PTPRD: variants seen among roughly 807,000 people sequenced by gnomAD.
PTPRD encodes protein tyrosine phosphatase receptor type D.
A neutral mutation model predicts 214.5 loss-of-function variants in PTPRD; 34 were observed. The ratio of observed to expected loss-of-function variants is 0.16; its 90% confidence interval spans 0.12 to 0.21. The LOEUF (loss-of-function observed/expected upper bound fraction) is 0.21. PTPRD is among the 10% of genes least tolerant of loss of function. The pLI, the probability that PTPRD is intolerant of heterozygous loss-of-function variation, is 1.00. For missense variants in PTPRD, 2,545 were observed against 2,398.7 expected (o/e 1.06, Z -1.27); for synonymous variants, 1,128 against 845.7 (o/e 1.33, Z -5.79).
At chr9:10,346,581 T>C (rs2097087861) in intron 2 of PTPRD, among the ~76,000 whole-genome samples, 5 of 152,364 alleles carry the variant, frequency 3.3e-5, no homozygotes, top group Middle Eastern at 3.4e-3. Flanking sequence ...TAAAGTATGT[T>C]TGCATAGGTA....
chr9:8,793,679 T>C (rs2096308741), intron 11 of PTPRD, among the ~76,000 whole-genome samples: 1 of 152,154 alleles, frequency 6.6e-6, no homozygotes, highest in Non-Finnish European at 1.5e-5. Flanking sequence ...CAAATAACCA[T>C]AATATTCTGT....
chr9:8,355,653 G>A lies in PTPRD; in HGVS notation c.4662-13675C>T, dbSNP rs566373370. Among the ~76,000 whole-genome samples, 14 of 152,240 alleles carry A rather than the reference G, an allele frequency of 9.2e-5. No homozygotes were observed. In the South Asian group the frequency reaches 2.5e-3, roughly 27 times the overall value. ...TAATTCAACTCAATGGATGCAAAAT[G>A]GGAGATTCCTCTTCTATGTATCAAT... On this transcript the variant is annotated intron_variant, in intron 39 of 45. Transcript: ENST00000381196.
chr9:10,103,628 A>AATC (rs1243491235), intron 3 of PTPRD, among the ~76,000 whole-genome samples: 1 of 151,222 alleles, frequency 6.6e-6, no homozygotes, highest in Non-Finnish European at 1.5e-5. Context: ...ACTCAGTGTG[A>AATC]AGGTCTGAGG....
intron 6 of PTPRD, among the ~76,000 whole-genome samples, chr9:9,755,546 T>G (rs957476237): frequency 4.6e-5 from 7 of 152,092 alleles, no homozygotes; most frequent in African/African-American, 1.7e-4. Flanking sequence ...TTCTAAAGGT[T>G]TGTGCTTCCA....
intron 3 of PTPRD, among the ~76,000 whole-genome samples, chr9:10,336,059 G>C (rs1470394515): frequency 6.6e-6 from 1 of 151,692 alleles, no homozygotes; most frequent in Non-Finnish European, 1.5e-5. Flanking sequence ...ACAGATTTTT[G>C]CCACCTAATC....
chr9:8,371,873 G>C (rs1012420454), intron 39 of PTPRD, among the ~76,000 whole-genome samples: 2 of 152,052 alleles, frequency 1.3e-5, no homozygotes, highest in African/African-American at 4.8e-5. Flanking sequence ...TATTTGGAAT[G>C]TGTAGCTATC....
At chr9:9,201,648 T>G (rs1014259649) in intron 9 of PTPRD, among the ~76,000 whole-genome samples, 14 of 152,186 alleles carry the variant, frequency 9.2e-5, no homozygotes, top group Non-Finnish European at 1.8e-4. Flanking sequence ...AATATCTTAC[T>G]GATAAAAATA....
At chr9:8,332,204 G>C (rs16924674) in intron 43 of PTPRD, among the ~76,000 whole-genome samples, 4,380 of 152,172 alleles carry the variant, frequency 0.029, 216 homozygotes, top group African/African-American at 0.099. Flanking sequence ...ATCCAGACCA[G>C]AGCTTTTGCA....
chr9:9,483,554 A>C (rs2095504186), intron 8 of PTPRD, among the ~76,000 whole-genome samples: 1 of 152,132 alleles, frequency 6.6e-6, no homozygotes, highest in South Asian at 2.1e-4. Flanking sequence ...AATTAGGCAA[A>C]GGAAGCAACT....
At chr9:10,031,115 G>A (rs1394830170) in intron 4 of PTPRD, among the ~76,000 whole-genome samples, 2 of 152,156 alleles carry the variant, frequency 1.3e-5, no homozygotes, top group Non-Finnish European at 2.9e-5. Context: ...GCGCCAGGTA[G>A]TAATTTTCTT....
At chr9:9,169,667 G>C (rs765814901) in intron 10 of PTPRD, among the ~76,000 whole-genome samples, 4 of 152,050 alleles carry the variant, frequency 2.6e-5, no homozygotes, top group Admixed American at 2.6e-4. Context: ...AGATTCTTCT[G>C]TATTTTGCTT....
rs140752225 is a variant in PTPRD, at chr9:8,448,536, C to T, written c.3988+1189G>A. On this transcript the variant is annotated intron_variant, in intron 34 of 45. Transcript: ENST00000381196. The stretch of plus-strand genomic sequence containing the variant: ...CTACGACCTATCCTGGAAGATGACA[C>T]AAGTTTGTTCAATCATCATGTACAC... Among the ~76,000 whole-genome samples, 228 of 152,218 alleles carry T rather than the reference C, an allele frequency of 1.5e-3. 1 individual carries two copies. Among genetic ancestry groups the T allele is most frequent in the African/African-American group, 5.2e-3 (217 of 41,542 alleles).
chr9:10,325,661 A>G (rs560652954), intron 3 of PTPRD, among the ~76,000 whole-genome samples: 1 of 152,084 alleles, frequency 6.6e-6, no homozygotes, highest in African/African-American at 2.4e-5. Context: ...TTGTTTGAAC[A>G]TACCAAACAA....
intron 9 of PTPRD, among the ~76,000 whole-genome samples, chr9:9,302,566 AT>A (rs1254976117): frequency 7.2e-6 from 1 of 139,592 alleles, no homozygotes; most frequent in Admixed American, 7.0e-5. Flanking sequence ...TGTTCCACTA[AT>A]ATTGACCACA....
intron 35 of PTPRD, among the ~76,000 whole-genome samples, chr9:8,414,072 T>C (rs768908435): frequency 2.0e-5 from 3 of 152,192 alleles, no homozygotes; most frequent in Non-Finnish European, 4.4e-5. Context: ...ATAGCTAAGA[T>C]ACATTACAGG....
chr9:10,373,886 T>G (rs984340898), intron 2 of PTPRD, among the ~76,000 whole-genome samples: 4 of 152,098 alleles, frequency 2.6e-5, no homozygotes, highest in Non-Finnish European at 4.4e-5. Context: ...CATATTTTAT[T>G]CCCTATCCAC....
At chr9:8,964,213 T>G (rs1242208730) in intron 11 of PTPRD, among the ~76,000 whole-genome samples, 1 of 146,548 alleles carries the variant, frequency 6.8e-6, no homozygotes, top group East Asian at 2.0e-4. Flanking sequence ...TTTTTTTTTT[T>G]TTTTGCTGAT....
At chr9:10,147,123 A>C (rs2154273790) in intron 3 of PTPRD, among the ~76,000 whole-genome samples, 1 of 152,290 alleles carries the variant, frequency 6.6e-6, no homozygotes, top group East Asian at 1.9e-4. Context: ...AGGGATCTAG[A>C]GTATTTTATA....
intron 5 of PTPRD, among the ~76,000 whole-genome samples, chr9:9,936,448 T>G (rs917366614): frequency 2.0e-5 from 3 of 151,316 alleles, no homozygotes; most frequent in African/African-American, 4.9e-5. Context: ...AGAAGACATT[T>G]ATGCAGCCAA....
Sources: allele counts gnomAD v4.1 joint callset (sites outside exome capture counted in the v4.1 genomes callset), GRCh38; gene constraint gnomAD v4.1.1; transcripts MANE v1.5; gene names NCBI Gene and HGNC (gene_info 2026-07-23, HGNC 2026-07-21).